The following APBB2 variants were observed in gnomAD, a reference collection of about 807,000 sequenced individuals.
APBB2 encodes the protein Fe65-like 1.
In APBB2, 38 loss-of-function variants were observed where a neutral mutation model predicts 82.5. The ratio of observed to expected loss-of-function variants is 0.46; its 90% CI spans 0.36 to 0.60. APBB2 has a LOEUF of 0.60. Ranked by LOEUF, APBB2 falls within the 20% of genes least tolerant of loss-of-function variation. The probability of loss-of-function intolerance (pLI) is 0.00; values close to 1 mark genes in which losing one functional copy is unlikely to be tolerated. For missense variants in APBB2, 772 were observed against 972.3 expected (o/e 0.79, Z 2.74); for synonymous variants, 341 against 368.2 (o/e 0.93, Z 0.85).
intron 4 of APBB2, among the ~76,000 whole-genome samples, chr4:41,062,984 G>A (rs939772203): frequency 6.6e-6 from 1 of 152,168 alleles, no homozygotes; most frequent in African/African-American, 2.4e-5. Context: ...GAAAAAAGGA[G>A]CAAGTCCACA....
intron 10 of APBB2, among the ~76,000 whole-genome samples, chr4:40,926,324 A>C (rs1365981083): frequency 2.0e-5 from 3 of 152,240 alleles, no homozygotes; most frequent in Admixed American, 2.0e-4. Context: ...AAAGCACCGC[A>C]AAGGATTGGA....
intron 1 of APBB2, among the ~76,000 whole-genome samples, chr4:41,145,368 A>G (rs1250249739): frequency 6.6e-6 from 1 of 152,162 alleles, no homozygotes; most frequent in Non-Finnish European, 1.5e-5. Context: ...GAGAGTCCAG[A>G]CCATTTGCCT....
At position 40,827,827 on chromosome 4, in the gene APBB2, T is replaced by C. The variant is rs114213366; in HGVS notation, c.1645-608A>G. 5.1e-3 allele frequency among the ~76,000 whole-genome samples: 777 copies of C among 152,294 alleles called. 5 individuals carry two copies. Among genetic ancestry groups the C allele is most frequent in the African/African-American group, 0.018 (746 of 41,558 alleles). ...TGCTCAGAAATGTCCCCTGCTGACATGCTTTGGCTGTGTCCTCACCCAAAT... is the reference window on the plus strand; with the variant it reads ...TGCTCAGAAATGTCCCCTGCTGACACGCTTTGGCTGTGTCCTCACCCAAAT... On this transcript the variant is annotated intron_variant, in intron 13 of 17. Coordinates refer to ENST00000508593, the MANE Select transcript of APBB2 (RefSeq NM_004307.2).
chr4:41,084,781 T>A (rs1342738032), intron 3 of APBB2: 1 of 149,010 alleles, frequency 6.7e-6, no homozygotes, highest in Non-Finnish European at 1.5e-5. Flanking sequence ...TTTTGTTAAT[T>A]TTTTTTTTTA....
intron 12 of APBB2, among the ~76,000 whole-genome samples, chr4:40,846,891 A>C (rs550244824): frequency 6.6e-6 from 1 of 152,348 alleles, no homozygotes; most frequent in African/African-American, 2.4e-5. Context: ...GAAGACTTTA[A>C]GCAAGAATTA....
At chr4:40,943,513 A>G (rs1201262794) in intron 7 of APBB2, among the ~76,000 whole-genome samples, 2 of 152,200 alleles carry the variant, frequency 1.3e-5, no homozygotes, top group Admixed American at 6.5e-5. Flanking sequence ...ACTGTGGTAC[A>G]GGGGGAATCC....
At chr4:40,885,561 T>C (rs1230140527) in intron 12 of APBB2, among the ~76,000 whole-genome samples, 1 of 152,214 alleles carries the variant, frequency 6.6e-6, no homozygotes, top group Non-Finnish European at 1.5e-5. Context: ...TTCGTGCCTC[T>C]AAGTCCATTC....
intron 3 of APBB2, among the ~76,000 whole-genome samples, chr4:41,088,738 T>A (rs1274988628): frequency 6.6e-6 from 1 of 152,210 alleles, no homozygotes; most frequent in Admixed American, 6.5e-5. Flanking sequence ...CTGCCATAAC[T>A]AGCAGGTTTT....
chr4:41,203,378 C>T (rs1777184071), intron 1 of APBB2, among the ~76,000 whole-genome samples: 1 of 152,214 alleles, frequency 6.6e-6, no homozygotes, highest in African/African-American at 2.4e-5. Context: ...GAAATTATCT[C>T]AAATCTTAGG....
Position 40,934,503 on chromosome 4 carries a change from G to C in APBB2, c.1207C>G (p.Pro403Ala), listed in dbSNP as rs369876936. 9.4e-5 allele frequency: 152 copies of C among 1,614,018 alleles called. No individual in the cohort carries two copies. The highest frequency in any genetic ancestry group is 1.2e-4 in the Non-Finnish European group (146 of 1,180,018). ...ATACTACAAGAATCATCATCATCAG[G>C]GTGTGGGGCATTTCTAGGCAGAAAA... Reference protein sequence around the residue: ...ASLKLRNAPHPDDDDSCSINS... With the variant: ...ASLKLRNAPHADDDDSCSINS... Residue 403 changes from proline (P) to alanine (A), a missense_variant, in exon 10 of 18, where the codon CCT becomes GCT. Coordinates refer to ENST00000508593, the MANE Select transcript of APBB2 (RefSeq NM_004307.2).
At chr4:40,974,559 T>C (rs1796696494) in intron 6 of APBB2, among the ~76,000 whole-genome samples, 1 of 152,218 alleles carries the variant, frequency 6.6e-6, no homozygotes, top group African/African-American at 2.4e-5. Flanking sequence ...AGAACAGAAG[T>C]TGCCTAACCA....
intron 2 of APBB2, among the ~76,000 whole-genome samples, chr4:41,135,893 G>A (rs1183536929): frequency 6.6e-6 from 1 of 152,152 alleles, no homozygotes; most frequent in East Asian, 1.9e-4. Flanking sequence ...CTGGTCTCAA[G>A]CTCCTGGGCT....
At chr4:41,052,208 AATACATACATACATAC>A (rs33920742) in intron 4 of APBB2, among the ~76,000 whole-genome samples, 15 of 149,702 alleles carry the variant, frequency 1.0e-4, no homozygotes, top group Admixed American at 2.0e-4. Context: ...TCTGTACAAA[AATACATACATACATAC>A]ATACATACAT....
At chr4:41,018,234 C>T (rs1379807005) in intron 5 of APBB2, among the ~76,000 whole-genome samples, 1 of 152,200 alleles carries the variant, frequency 6.6e-6, no homozygotes, top group Non-Finnish European at 1.5e-5. Flanking sequence ...GCACTTTCTT[C>T]TTGCTGGGTA....
intron 1 of APBB2, among the ~76,000 whole-genome samples, chr4:41,213,808 G>C (rs575750793): frequency 6.6e-6 from 1 of 152,168 alleles, no homozygotes; most frequent in East Asian, 1.9e-4. Context: ...GGGGGAAAAG[G>C]AACTTTTCCC....
chr4:40,977,550 T>G (rs574654606), intron 6 of APBB2, among the ~76,000 whole-genome samples: 5 of 152,180 alleles, frequency 3.3e-5, no homozygotes, highest in Non-Finnish European at 7.3e-5. Flanking sequence ...TGACCTCAGG[T>G]GATCCTCCCA....
At chr4:41,194,423 C>T in intron 1 of APBB2, among the ~76,000 whole-genome samples, 1 of 152,166 alleles carries the variant, frequency 6.6e-6, no homozygotes, top group Non-Finnish European at 1.5e-5. Context: ...TGGCTCATGC[C>T]TGTAATCCCA....
At chr4:41,012,959 GAAA>G (rs1808813624) in intron 6 of APBB2, among the ~76,000 whole-genome samples, 1 of 152,138 alleles carries the variant, frequency 6.6e-6, no homozygotes, top group African/African-American at 2.4e-5. Flanking sequence ...CAAAAGTCCA[GAAA>G]GACTGGTCTC....
intron 6 of APBB2, 22 bp from the exon 7 acceptor site, chr4:40,945,095 C>CGGGGGGAGGGGG: frequency 1.8e-6 from 1 of 547,930 alleles, no homozygotes. Context: ...GGGGGCGGGG[C>CGGGGGGAGGGGG]GGGGGGAGAA....
Sources: allele counts gnomAD v4.1 joint callset (sites outside exome capture counted in the v4.1 genomes callset), GRCh38; gene constraint gnomAD v4.1.1; transcripts MANE v1.5; gene names NCBI Gene and HGNC (gene_info 2026-07-23, HGNC 2026-07-21).